The following IL1RAPL1 variants were observed in gnomAD, a reference collection of about 807,000 sequenced individuals.
The protein encoded by IL1RAPL1 is interleukin 1 receptor accessory protein like 1.
In IL1RAPL1, 3 loss-of-function variants were observed where a neutral mutation model predicts 48.4. The observed-to-expected ratio is 0.06, with a 90% CI of 0.03 to 0.16. The LOEUF (loss-of-function observed/expected upper bound fraction) is 0.16. Among genes scored for constraint, IL1RAPL1 ranks in the 10% least tolerant of loss-of-function variants. The pLI is 1.00. For synonymous variants in IL1RAPL1, 185 were observed against 187.7 expected (o/e 0.99, Z 0.12); for missense variants, 349 against 530.6 (o/e 0.66, Z 3.36).
intron 1 of IL1RAPL1, among the ~76,000 whole-genome samples, chrX:28,678,100 A>G (rs1935019011): frequency 9.0e-6 from 1 of 111,674 alleles, no homozygotes; most frequent in Non-Finnish European, 1.9e-5. Context: ...CAGATGGGAG[A>G]TGGCCAGGCT....
At chrX:29,187,332 A>G (rs1930270656) in intron 2 of IL1RAPL1, among the ~76,000 whole-genome samples, 1 of 111,372 alleles carries the variant, frequency 9.0e-6, no homozygotes. Flanking sequence ...CTTGAAAGCT[A>G]ACAAGGTAGC....
Position 29,399,151 on chromosome X carries a change from A to G in IL1RAPL1, c.550-4A>G, listed in dbSNP as rs368301683. 1.9e-4 allele frequency: 231 copies of G among 1,192,302 alleles called. No homozygotes were observed. The highest frequency in any genetic ancestry group is 2.5e-4 in the Non-Finnish European group (223 of 879,020). On this transcript the variant is annotated splice_polypyrimidine_tract_variant and splice_region_variant and intron_variant, in intron 4 of 10. Transcript: ENST00000378993. ...ACTACCAAAATTGTATGTTCTTCAT[A>G]TAGGAATGCAGGACAAAAACATGGA...
chrX:29,672,633 G>C (rs1037347315), intron 6 of IL1RAPL1, among the ~76,000 whole-genome samples: 1 of 111,587 alleles, frequency 9.0e-6, no homozygotes, highest in African/African-American at 3.3e-5. Context: ...CCTTCCTCCA[G>C]ATTCTATGTT....
At position 29,168,723 on chromosome X, in the gene IL1RAPL1, G is replaced by GTATATATATATTCATATGTACAATTGTA. The variant is rs1929844488; in HGVS notation, c.83-114205_83-114178dup. ...TATATATATATTCATATGTACAATTGTATATATATATTCATATGTACAATT... is the reference window on the plus strand; with the variant it reads ...TATATATATATTCATATGTACAATTGTATATATATATTCATATGTACAATTGTATATATATATATTCATATGTACAATT... On this transcript the variant is annotated intron_variant, in intron 2 of 10. Coordinates refer to ENST00000378993, the MANE Select transcript of IL1RAPL1 (RefSeq NM_014271.4). 7.6e-5 allele frequency among the ~76,000 whole-genome samples: 6 copies of GTATATATATATTCATATGTACAATTGTA among 79,256 alleles called. No homozygotes were observed. The East Asian group carries it at 2.3e-3, about 30-fold the overall frequency. 68.8% of individuals were successfully genotyped at this position (79,256 alleles called of 115,157 possible).
intron 2 of IL1RAPL1, among the ~76,000 whole-genome samples, chrX:29,242,081 T>C (rs761563811): frequency 3.2e-4 from 36 of 112,190 alleles, no homozygotes; most frequent in Admixed American, 1.2e-3. Context: ...TATTTACTCT[T>C]TCCCACAAGC....
chrX:29,139,752 T>C, intron 2 of IL1RAPL1, among the ~76,000 whole-genome samples: 1 of 111,572 alleles, frequency 9.0e-6, no homozygotes, highest in Middle Eastern at 4.7e-3. Flanking sequence ...ATGCAATAGA[T>C]TTTTAAAATT....
chrX:29,528,056 A>G (rs900932813), intron 5 of IL1RAPL1, among the ~76,000 whole-genome samples: 2 of 112,254 alleles, frequency 1.8e-5, no homozygotes, highest in African/African-American at 6.5e-5. Context: ...CAGTGTTGGA[A>G]TTTCGAAATG....
At chrX:29,538,446 T>C (rs1194970672) in intron 5 of IL1RAPL1, among the ~76,000 whole-genome samples, 1 of 105,000 alleles carries the variant, frequency 9.5e-6, no homozygotes, top group Non-Finnish European at 1.9e-5. Flanking sequence ...CAAGCAATTC[T>C]CCTGCCTCAG....
At chrX:29,681,217 C>T (rs752647052) in intron 6 of IL1RAPL1, among the ~76,000 whole-genome samples, 2 of 112,280 alleles carry the variant, frequency 1.8e-5, no homozygotes, top group African/African-American at 3.2e-5. Context: ...ATTGGTAAAT[C>T]GAGAGTTTAT....
intron 2 of IL1RAPL1, chrX:28,941,948 C>T (rs1264585316): frequency 9.2e-6 from 1 of 108,528 alleles, no homozygotes; most frequent in Non-Finnish European, 1.9e-5. Context: ...AAAGATAATA[C>T]TTGAGTCTGC....
chrX:28,696,804 T>C (rs1322799258), intron 1 of IL1RAPL1, among the ~76,000 whole-genome samples: 1 of 111,809 alleles, frequency 8.9e-6, no homozygotes, highest in Non-Finnish European at 1.9e-5. Flanking sequence ...GTGCCTAATA[T>C]TCCAGCTGAA....
intron 2 of IL1RAPL1, among the ~76,000 whole-genome samples, chrX:29,061,232 A>G (rs1377252525): frequency 2.7e-5 from 3 of 111,911 alleles, no homozygotes; most frequent in African/African-American, 6.5e-5. Context: ...TTCACAAACT[A>G]TAAAACACTA....
chrX:29,193,285 CCTA>C (rs769841116), intron 2 of IL1RAPL1, among the ~76,000 whole-genome samples: 16 of 110,515 alleles, frequency 1.4e-4, no homozygotes, highest in African/African-American at 5.2e-4. Context: ...ATTAGTATTT[CCTA>C]CTAATTTTTT....
chrX:28,962,828 G>T (rs1336742424), intron 2 of IL1RAPL1, among the ~76,000 whole-genome samples: 1 of 109,179 alleles, frequency 9.2e-6, no homozygotes, highest in East Asian at 2.9e-4. Context: ...CCGTGGGGGG[G>T]GTCCTGGAAC....
chrX:29,545,221 ATCTATCT>A (rs2147785154), intron 5 of IL1RAPL1, among the ~76,000 whole-genome samples: 1 of 108,903 alleles, frequency 9.2e-6, no homozygotes, highest in South Asian at 4.0e-4. Flanking sequence ...CTATCTATCT[ATCTATCT>A]ATCTATCTAT....
chrX:28,676,051 G>C (rs1468279465), intron 1 of IL1RAPL1, among the ~76,000 whole-genome samples: 3 of 111,664 alleles, frequency 2.7e-5, no homozygotes, highest in African/African-American at 9.8e-5. Context: ...TGGTAGAAGA[G>C]ATCAGTGACA....
chrX:29,788,625 T>C (rs994381217), intron 6 of IL1RAPL1, among the ~76,000 whole-genome samples: 2 of 112,204 alleles, frequency 1.8e-5, no homozygotes, highest in Non-Finnish European at 3.8e-5. Context: ...TCACCTTGAG[T>C]ATTTATCACT....
At chrX:29,411,850 A>G (rs939551151) in intron 5 of IL1RAPL1, among the ~76,000 whole-genome samples, 1 of 111,332 alleles carries the variant, frequency 9.0e-6, no homozygotes, top group Admixed American at 9.7e-5. Flanking sequence ...CATTATCATT[A>G]TTTCTAATGA....
chrX:29,282,519 A>G (rs1932218198), intron 2 of IL1RAPL1, among the ~76,000 whole-genome samples: 1 of 112,003 alleles, frequency 8.9e-6, no homozygotes, highest in Admixed American at 9.5e-5. Context: ...CATTGAAAAT[A>G]GGAAGCAAAT....
Sources: allele counts gnomAD v4.1 joint callset (sites outside exome capture counted in the v4.1 genomes callset), GRCh38; gene constraint gnomAD v4.1.1; transcripts MANE v1.5; gene names NCBI Gene and HGNC (gene_info 2026-07-23, HGNC 2026-07-21).